Variants in CAMK2D observed in about 807,000 individuals in gnomAD.
CAMK2D encodes calcium/calmodulin dependent protein kinase II delta.
CAMK2D carries 37 observed loss-of-function variants against 84.0 expected under a neutral mutation model. The ratio of observed to expected loss-of-function variants is 0.44; its 90% CI spans 0.34 to 0.58. The LOEUF is 0.58. Ranked by LOEUF, CAMK2D falls within the 20% of genes least tolerant of loss-of-function variation. The pLI, the probability that CAMK2D is intolerant of heterozygous loss-of-function variation, is 0.02. For synonymous variants in CAMK2D, 202 were observed against 212.5 expected, an observed-to-expected ratio of 0.95 and a Z score of 0.43; for missense variants, 448 against 652.5, an observed-to-expected ratio of 0.69 and a Z score of 3.41.
At chr4:113,495,678 A>G (rs891590495) in intron 16 of CAMK2D, among the ~76,000 whole-genome samples, 12 of 152,196 alleles carry the variant, frequency 7.9e-5, no homozygotes, top group Non-Finnish European at 1.8e-4. Context: ...GACTTTTGCA[A>G]ACATCCTCAT....
chr4:113,595,464 G>GTGTA (rs1024484643), intron 4 of CAMK2D, among the ~76,000 whole-genome samples: 6 of 140,446 alleles, frequency 4.3e-5, no homozygotes, highest in African/African-American at 1.5e-4. Context: ...GTGTGTGTGT[G>GTGTA]TGTGTGTGTG....
At chr4:113,663,121 C>T (rs1367934472) in intron 2 of CAMK2D, among the ~76,000 whole-genome samples, 2 of 152,148 alleles carry the variant, frequency 1.3e-5, no homozygotes, top group African/African-American at 4.8e-5. Context: ...ATACCTACTT[C>T]AAATAAATGT....
At position 113,644,920 on chromosome 4, in the gene CAMK2D, G is replaced by T. The variant is rs183526659; in HGVS notation, c.220+16793C>A. Reference sequence around the variant, plus strand: ...GATGAAGTCATCTCACTGTAGAGCAGGGGTCAGGAAACTATAGCTCAATTG... The same window carrying T: ...GATGAAGTCATCTCACTGTAGAGCATGGGTCAGGAAACTATAGCTCAATTG... On this transcript the variant is annotated intron_variant, in intron 3 of 20. Coordinates refer to ENST00000511664, the MANE Select transcript of CAMK2D (RefSeq NM_001321571.2). Among the ~76,000 whole-genome samples, 4 of 152,318 alleles carry T rather than the reference G, an allele frequency of 2.6e-5. No homozygotes were observed. The East Asian group carries it at 7.7e-4, about 29-fold the overall frequency.
intron 16 of CAMK2D, among the ~76,000 whole-genome samples, chr4:113,493,886 ATTCAT>A (rs1483550641): frequency 1.3e-5 from 2 of 151,856 alleles, no homozygotes; most frequent in Non-Finnish European, 2.9e-5. Flanking sequence ...GCTTCATTTC[ATTCAT>A]TTCATCTTCC....
At chr4:113,759,554 T>C (rs780296729) in intron 1 of CAMK2D, 140 bp from the exon 2 acceptor site, 9 of 438,958 alleles carry the variant, frequency 2.1e-5, no homozygotes, top group Non-Finnish European at 3.6e-5. Context: ...CAATTCTTCC[T>C]GGAAACCCAG....
intron 2 of CAMK2D, among the ~76,000 whole-genome samples, chr4:113,726,596 G>A (rs2099546869): frequency 6.6e-6 from 1 of 151,602 alleles, no homozygotes; most frequent in Non-Finnish European, 1.5e-5. Flanking sequence ...TCAAGATGGG[G>A]TCTCACTATG....
At chr4:113,757,134 T>G (rs943774542) in intron 2 of CAMK2D, among the ~76,000 whole-genome samples, 1 of 152,088 alleles carries the variant, frequency 6.6e-6, no homozygotes, top group African/African-American at 2.4e-5. Context: ...TAAACGAAAT[T>G]TATGCCTAAG....
At chr4:113,639,002 G>A (rs1219257278) in intron 3 of CAMK2D, among the ~76,000 whole-genome samples, 2 of 151,810 alleles carry the variant, frequency 1.3e-5, no homozygotes, top group African/African-American at 2.4e-5. Context: ...CAGCACTTTG[G>A]GAGGCCAAGG....
intron 3 of CAMK2D, among the ~76,000 whole-genome samples, chr4:113,648,345 C>G (rs1439452651): frequency 1.3e-5 from 2 of 152,088 alleles, no homozygotes; most frequent in East Asian, 3.9e-4. Flanking sequence ...CAAATTTTTA[C>G]AAATAAGCAT....
At chr4:113,572,902 T>A (rs910209810) in intron 4 of CAMK2D, among the ~76,000 whole-genome samples, 1 of 152,158 alleles carries the variant, frequency 6.6e-6, no homozygotes, top group Admixed American at 6.5e-5. Context: ...GGAACATGGA[T>A]GGGGCTGGAG....
intron 17 of CAMK2D, among the ~76,000 whole-genome samples, chr4:113,463,666 G>A (rs530365968): frequency 5.9e-5 from 9 of 152,276 alleles, no homozygotes; most frequent in African/African-American, 1.9e-4. Flanking sequence ...GTGAGACATC[G>A]CACCTGGCAC....
intron 16 of CAMK2D, among the ~76,000 whole-genome samples, chr4:113,482,479 C>T (rs1352768783): frequency 6.6e-6 from 1 of 152,042 alleles, no homozygotes; most frequent in African/African-American, 2.4e-5. Flanking sequence ...TGAACACAAA[C>T]ATATTAAAAA....
chr4:113,535,994 C>T (rs1038505289), intron 7 of CAMK2D, among the ~76,000 whole-genome samples: 17 of 152,150 alleles, frequency 1.1e-4, no homozygotes, highest in Non-Finnish European at 1.9e-4. Context: ...CTGTTCAACC[C>T]TTAACTCCTG....
At chr4:113,614,777 C>G (rs2099014753) in intron 3 of CAMK2D, among the ~76,000 whole-genome samples, 1 of 152,092 alleles carries the variant, frequency 6.6e-6, no homozygotes, top group South Asian at 2.1e-4. Context: ...ACAGAAAAGA[C>G]TTAATCTGAA....
intron 9 of CAMK2D, among the ~76,000 whole-genome samples, chr4:113,516,487 G>C (rs1000461601): frequency 3.9e-5 from 6 of 152,106 alleles, no homozygotes; most frequent in Admixed American, 3.3e-4. Context: ...GCTGGTTCTA[G>C]TCTGTAAAGA....
At chr4:113,492,150 G>A (rs572676585) in intron 16 of CAMK2D, among the ~76,000 whole-genome samples, 1 of 151,778 alleles carries the variant, frequency 6.6e-6, no homozygotes, top group African/African-American at 2.4e-5. Context: ...CTTCAGTTCT[G>A]CTCTGATTTT....
chr4:113,568,464 T>C (rs1323545916), intron 4 of CAMK2D, among the ~76,000 whole-genome samples: 1 of 152,236 alleles, frequency 6.6e-6, no homozygotes, highest in African/African-American at 2.4e-5. Context: ...ACAATTTGTT[T>C]ATGCATTTAT....
intron 3 of CAMK2D, among the ~76,000 whole-genome samples, chr4:113,647,259 C>G (rs749422653): frequency 6.6e-6 from 1 of 152,198 alleles, no homozygotes; most frequent in Non-Finnish European, 1.5e-5. Flanking sequence ...CAGCATCAGA[C>G]TATGCTACCT....
intron 17 of CAMK2D, among the ~76,000 whole-genome samples, chr4:113,462,307 T>TCTGG (rs2154107623): frequency 1.0e-5 from 1 of 98,966 alleles, no homozygotes; most frequent in East Asian, 2.5e-4. Context: ...TGTCTGTCTG[T>TCTGG]CTGTCTGTCT....
Sources: gnomAD v4.1 joint callset for allele counts (sites outside exome capture counted in the v4.1 genomes callset) on GRCh38, gnomAD v4.1.1 for gene constraint, MANE v1.5 for transcripts, NCBI Gene and HGNC (gene_info 2026-07-23, HGNC 2026-07-21) for gene names.